Variants in IL1RAPL2 observed in about 807,000 individuals in gnomAD.
The protein encoded by IL1RAPL2 is interleukin 1 receptor accessory protein like 2.
In IL1RAPL2, 3 loss-of-function variants were observed where a neutral mutation model predicts 44.1. The observed-to-expected ratio is 0.07, with a 90% confidence interval of 0.03 to 0.18. The LOEUF is 0.18. Among genes scored for constraint, IL1RAPL2 ranks in the 10% least tolerant of loss-of-function variants. IL1RAPL2 has a pLI of 1.00. For synonymous variants in IL1RAPL2, 181 were observed against 178.8 expected, an observed-to-expected ratio of 1.01 and a Z score of -0.10; for missense variants, 391 against 496.4, an observed-to-expected ratio of 0.79 and a Z score of 2.02.
intron 3 of IL1RAPL2, among the ~76,000 whole-genome samples, chrX:105,230,366 C>G (rs1603023593): frequency 9.1e-6 from 1 of 110,252 alleles, no homozygotes; most frequent in African/African-American, 3.3e-5. Flanking sequence ...ACTGTTTTAA[C>G]CCACTGCTGC....
At chrX:104,907,124 T>C in intron 2 of IL1RAPL2, among the ~76,000 whole-genome samples, 1 of 111,477 alleles carries the variant, frequency 9.0e-6, no homozygotes, top group Admixed American at 9.5e-5. Flanking sequence ...TGGTAGTTTG[T>C]ATTTCTGTGG....
At chrX:105,712,183 G>A (rs1285576593) in intron 6 of IL1RAPL2, among the ~76,000 whole-genome samples, 2 of 111,923 alleles carry the variant, frequency 1.8e-5, no homozygotes, top group East Asian at 5.7e-4. Flanking sequence ...TTTACCCTAG[G>A]GCCCTAGGCT....
At chrX:105,560,838 C>T (rs1345281132) in intron 6 of IL1RAPL2, among the ~76,000 whole-genome samples, 2 of 108,745 alleles carry the variant, frequency 1.8e-5, no homozygotes, top group Non-Finnish European at 3.8e-5. Context: ...ATATATAATA[C>T]ATATATATTT....
At chrX:105,572,171 A>T (rs2037019122) in intron 6 of IL1RAPL2, among the ~76,000 whole-genome samples, 2 of 111,791 alleles carry the variant, frequency 1.8e-5, no homozygotes, top group South Asian at 7.5e-4. Context: ...TCCAATATGT[A>T]TTAAATTCTG....
intron 5 of IL1RAPL2, among the ~76,000 whole-genome samples, chrX:105,330,195 C>G (rs1569424546): frequency 9.0e-6 from 1 of 111,534 alleles, no homozygotes; most frequent in Non-Finnish European, 1.9e-5. Flanking sequence ...CAGATACTTC[C>G]TAGTTCTCCA....
rs148500180 is a variant in IL1RAPL2, at chrX:105,027,589, T to C, written c.83-167886T>C. 9.0e-3 allele frequency among the ~76,000 whole-genome samples: 1,002 copies of C among 111,766 alleles called. 12 individuals are homozygous for C. The highest frequency in any genetic ancestry group is 0.03 in the African/African-American group (915 of 30,839). ...GCATATGAAAAGGTGCTCAACATCA[T>C]TGATCATCAGAGAAATGCAAATCAA... On this transcript the variant is annotated intron_variant, in intron 2 of 10. Transcript: ENST00000372582.
intron 5 of IL1RAPL2, among the ~76,000 whole-genome samples, chrX:105,362,197 G>C (rs1037341014): frequency 4.5e-5 from 5 of 111,375 alleles, no homozygotes; most frequent in African/African-American, 1.6e-4. Flanking sequence ...ACGTGAAACA[G>C]AATAGTGTTC....
At chrX:104,741,444 G>C (rs1203457094) in intron 2 of IL1RAPL2, among the ~76,000 whole-genome samples, 1 of 110,847 alleles carries the variant, frequency 9.0e-6, no homozygotes, top group Non-Finnish European at 1.9e-5. Flanking sequence ...ATGAATATTT[G>C]TATTTGGATT....
chrX:105,741,630 T>C (rs1458066100), intron 8 of IL1RAPL2, among the ~76,000 whole-genome samples: 1 of 111,648 alleles, frequency 9.0e-6, no homozygotes, highest in Non-Finnish European at 1.9e-5. Context: ...AGAGGAATCA[T>C]TATTCTGAAA....
intron 6 of IL1RAPL2, among the ~76,000 whole-genome samples, chrX:105,657,311 G>A (rs1438049689): frequency 8.9e-6 from 1 of 111,939 alleles, no homozygotes; most frequent in East Asian, 2.8e-4. Flanking sequence ...TGTACTTTCA[G>A]CCATTTCCAT....
chrX:105,747,535 TAC>T (rs775778131), intron 8 of IL1RAPL2, among the ~76,000 whole-genome samples: 7,805 of 67,317 alleles, frequency 0.12, 334 homozygotes, highest in East Asian at 0.38. Context: ...TATATATATA[TAC>T]ACACACACAC....
chrX:105,367,177 G>A (rs2035301249), intron 5 of IL1RAPL2, among the ~76,000 whole-genome samples: 1 of 110,970 alleles, frequency 9.0e-6, no homozygotes, highest in Non-Finnish European at 1.9e-5. Context: ...TATTTCTATG[G>A]AATATCTTTT....
At chrX:105,477,006 G>A (rs919159460) in intron 5 of IL1RAPL2, among the ~76,000 whole-genome samples, 1 of 112,171 alleles carries the variant, frequency 8.9e-6, no homozygotes, top group Non-Finnish European at 1.9e-5. Flanking sequence ...TCCTTCAAAA[G>A]CAGCTAGCCT....
intron 2 of IL1RAPL2, among the ~76,000 whole-genome samples, chrX:105,158,209 T>G (rs1256050412): frequency 6.5e-5 from 1 of 15,396 alleles, no homozygotes; most frequent in Non-Finnish European, 1.1e-4. Context: ...TACAAAAAAA[T>G]TACCTGGGTG....
chrX:104,762,486 G>A (rs1353772821), intron 2 of IL1RAPL2, among the ~76,000 whole-genome samples: 1 of 111,856 alleles, frequency 8.9e-6, no homozygotes, highest in Non-Finnish European at 1.9e-5. Context: ...CAGACCTACG[G>A]TGCAAGCTGT....
intron 5 of IL1RAPL2, among the ~76,000 whole-genome samples, chrX:105,365,084 A>G (rs1366458014): frequency 9.0e-6 from 1 of 110,886 alleles, no homozygotes; most frequent in Non-Finnish European, 1.9e-5. Flanking sequence ...TTCTATACCA[A>G]TTTTTCTGAG....
chrX:105,578,666 T>A (rs1446105812), intron 6 of IL1RAPL2, among the ~76,000 whole-genome samples: 1 of 111,102 alleles, frequency 9.0e-6, no homozygotes, highest in Non-Finnish European at 1.9e-5. Flanking sequence ...GGGAACAGAC[T>A]AAACTCTAGT....
intron 2 of IL1RAPL2, among the ~76,000 whole-genome samples, chrX:104,761,845 T>TCTCCTTCTCCTTCTCCTTCTC (rs1356463728): frequency 1.9e-5 from 1 of 53,921 alleles, no homozygotes; most frequent in Non-Finnish European, 3.6e-5. Context: ...TCCTTCTCCT[T>TCTCCTTCTCCTTCTCCTTCTC]CTTCTCCTTC....
At chrX:105,048,182 C>G (rs1473655770) in intron 2 of IL1RAPL2, among the ~76,000 whole-genome samples, 1 of 111,638 alleles carries the variant, frequency 9.0e-6, no homozygotes, top group African/African-American at 3.3e-5. Flanking sequence ...GTTGGTTCCT[C>G]AAAAGATATT....
Sources: allele counts gnomAD v4.1 joint callset (sites outside exome capture counted in the v4.1 genomes callset), GRCh38; gene constraint gnomAD v4.1.1; transcripts MANE v1.5; gene names NCBI Gene and HGNC (gene_info 2026-07-23, HGNC 2026-07-21).